The following GRK3 variants were observed in gnomAD, a reference collection of about 807,000 sequenced individuals.
The protein encoded by GRK3 is adrenergic, beta, receptor kinase 2.
In GRK3, 54 loss-of-function variants were observed where a neutral mutation model predicts 95.7. The observed-to-expected ratio is 0.56, with a 90% CI of 0.45 to 0.71. The LOEUF is 0.71. Among genes scored for constraint, GRK3 ranks in the 30% least tolerant of loss-of-function variants. GRK3 has a pLI of 0.00. For synonymous variants in GRK3, 281 were observed against 290.8 expected (o/e 0.97, Z 0.34); for missense variants, 649 against 851.2 (o/e 0.76, Z 2.96).
intron 1 of GRK3, among the ~76,000 whole-genome samples, chr22:25,570,718 G>A (rs954708775): frequency 2.0e-5 from 3 of 152,066 alleles, no homozygotes; most frequent in Admixed American, 6.6e-5. Context: ...TGGATATCCC[G>A]GCCCCCCTCT....
intron 1 of GRK3, among the ~76,000 whole-genome samples, chr22:25,598,623 C>T (rs999013871): frequency 5.9e-5 from 9 of 151,824 alleles, no homozygotes; most frequent in African/African-American, 2.2e-4. Context: ...TGCAGTGAGC[C>T]ATGATCTCAT....
At chr22:25,699,452 G>A (rs2085238655) in intron 13 of GRK3, among the ~76,000 whole-genome samples, 1 of 152,040 alleles carries the variant, frequency 6.6e-6, no homozygotes, top group Non-Finnish European at 1.5e-5. Flanking sequence ...TCATAACTTG[G>A]GAAGTGGCTG....
chr22:25,712,761 A>C (rs936688208), intron 17 of GRK3, among the ~76,000 whole-genome samples: 1 of 152,248 alleles, frequency 6.6e-6, no homozygotes, highest in Non-Finnish European at 1.5e-5. Context: ...ACAGGCATAT[A>C]GTCAATGCTT....
At chr22:25,636,319 T>G (rs189323283) in intron 2 of GRK3, among the ~76,000 whole-genome samples, 1 of 152,362 alleles carries the variant, frequency 6.6e-6, no homozygotes, top group East Asian at 1.9e-4. Flanking sequence ...TGTGTGTATG[T>G]GTACGTGTTC....
intron 1 of GRK3, among the ~76,000 whole-genome samples, chr22:25,576,405 C>A (rs1362718408): frequency 6.6e-6 from 1 of 152,214 alleles, no homozygotes; most frequent in African/African-American, 2.4e-5. Flanking sequence ...TTGGTGGGCA[C>A]ACGTCCACTG....
At chr22:25,658,563 G>A (rs1259750120) in intron 3 of GRK3, among the ~76,000 whole-genome samples, 1 of 152,150 alleles carries the variant, frequency 6.6e-6, no homozygotes, top group East Asian at 1.9e-4. Flanking sequence ...TCTGTTGGAT[G>A]CCCTTTTCCA....
At chr22:25,667,707 T>G in intron 5 of GRK3, 32 bp from the exon 6 acceptor site, 1 of 1,520,824 alleles carries the variant, frequency 6.6e-7, no homozygotes, top group South Asian at 1.1e-5. Context: ...TCCGATTCAT[T>G]CACCGTGGAA....
intron 2 of GRK3, among the ~76,000 whole-genome samples, chr22:25,609,845 CTTT>C (rs980049696): frequency 2.3e-5 from 3 of 127,852 alleles, no homozygotes; most frequent in African/African-American, 2.9e-5. Flanking sequence ...GCAATTTTTA[CTTT>C]TTTTTTTTTT....
intron 13 of GRK3, among the ~76,000 whole-genome samples, chr22:25,696,349 G>A (rs369816044): frequency 3.9e-5 from 6 of 152,258 alleles, no homozygotes; most frequent in African/African-American, 1.4e-4. Context: ...TTTAAAGCTA[G>A]TAGTATACTT....
intron 12 of GRK3, among the ~76,000 whole-genome samples, chr22:25,693,980 G>A (rs1601531758): frequency 6.6e-6 from 1 of 151,910 alleles, no homozygotes; most frequent in South Asian, 2.1e-4. Context: ...TAGTAGAGAC[G>A]GGGTTTCTCC....
intron 3 of GRK3, chr22:25,647,936 C>T: frequency 2.0e-6 from 1 of 508,672 alleles, no homozygotes. Flanking sequence ...CATGGTGAAA[C>T]CCCATCTCTA....
chr22:25,633,709 T>G (rs2084680446), intron 2 of GRK3, among the ~76,000 whole-genome samples: 1 of 152,180 alleles, frequency 6.6e-6, no homozygotes, highest in Admixed American at 6.5e-5. Flanking sequence ...TATAGGGCAC[T>G]TTTGATTCCA....
At chr22:25,638,001 T>G (rs1179880155) in intron 2 of GRK3, among the ~76,000 whole-genome samples, 1 of 152,244 alleles carries the variant, frequency 6.6e-6, no homozygotes, top group African/African-American at 2.4e-5. Context: ...CGCAGTTTAC[T>G]GATCTAAATT....
At chr22:25,617,677 A>G (rs566082016) in intron 2 of GRK3, among the ~76,000 whole-genome samples, 3 of 152,314 alleles carry the variant, frequency 2.0e-5, no homozygotes, top group South Asian at 4.1e-4. Context: ...AGAACTTCAT[A>G]TAAATGGATT....
chr22:25,674,568 A>G, intron 8 of GRK3, 40 bp downstream of exon 8: 1 of 1,392,636 alleles, frequency 7.2e-7, no homozygotes, highest in Non-Finnish European at 1.0e-6. Flanking sequence ...GGCACTATTA[A>G]AATTTTAATA....
chr22:25,686,881 G>A (rs1226728240), intron 10 of GRK3, among the ~76,000 whole-genome samples: 2 of 152,180 alleles, frequency 1.3e-5, no homozygotes, highest in Admixed American at 6.5e-5. Context: ...GTGCAGTGGC[G>A]TGATCTTGGC....
intron 2 of GRK3, among the ~76,000 whole-genome samples, chr22:25,627,507 T>C (rs2084636402): frequency 6.6e-6 from 1 of 152,220 alleles, no homozygotes; most frequent in African/African-American, 2.4e-5. Context: ...TTCTCCTGAC[T>C]CTATAGCCCG....
At chr22:25,582,008 C>T (rs1932115914) in intron 1 of GRK3, among the ~76,000 whole-genome samples, 1 of 151,986 alleles carries the variant, frequency 6.6e-6, no homozygotes, top group Non-Finnish European at 1.5e-5. Context: ...CATGGCTGGG[C>T]GCGGTGGCCT....
intron 15 of GRK3, 67 bp downstream of exon 15, chr22:25,704,276 C>A: frequency 8.4e-7 from 1 of 1,186,714 alleles, no homozygotes. Context: ...TAAATACTGT[C>A]TATCAAAAGT....
Sources: allele counts gnomAD v4.1 joint callset (sites outside exome capture counted in the v4.1 genomes callset), GRCh38; gene constraint gnomAD v4.1.1; transcripts MANE v1.5; gene names NCBI Gene and HGNC (gene_info 2026-07-23, HGNC 2026-07-21).